MET: variants seen among roughly 807,000 people sequenced by gnomAD.
The protein encoded by MET is MET proto-oncogene, receptor tyrosine kinase, also known as hepatocyte growth factor receptor.
A neutral mutation model predicts 133.1 loss-of-function variants in MET; 48 were observed. That is an observed-to-expected ratio of 0.36 (90% CI 0.29 to 0.46). The LOEUF is 0.46. MET is among the 20% of genes least tolerant of loss of function. The pLI is 1.00. For synonymous variants in MET, 628 were observed against 616.5 expected (o/e 1.02, Z -0.28); for missense variants, 1,442 against 1,695.9 (o/e 0.85, Z 2.63).
chr7:116,777,502 C>G (rs775351710), intron 16 of MET, 33 bp downstream of exon 16: 1 of 1,599,070 alleles, frequency 6.3e-7, no homozygotes, highest in South Asian at 1.1e-5. Context: ...ATGGAGTATA[C>G]TTTTGTGGTT....
At chr7:116,737,555 T>G (rs1459878786) in intron 3 of MET, among the ~76,000 whole-genome samples, 1 of 152,238 alleles carries the variant, frequency 6.6e-6, no homozygotes, top group Non-Finnish European at 1.5e-5. Flanking sequence ...CTGACTCATG[T>G]ACTTTCTAGC....
chr7:116,768,187 A>G (rs1181862737), intron 11 of MET, among the ~76,000 whole-genome samples: 1 of 152,064 alleles, frequency 6.6e-6, no homozygotes, highest in Admixed American at 6.6e-5. Flanking sequence ...TAAGCCTGAA[A>G]CCATAAGTAT....
intron 2 of MET, among the ~76,000 whole-genome samples, chr7:116,726,032 GTCTCTCAAAAAAGAAA>G (rs1215410089): frequency 1.4e-5 from 2 of 146,324 alleles, no homozygotes; most frequent in African/African-American, 5.0e-5. Flanking sequence ...GGGATACCCT[GTCTCTCAAAAAAGAAA>G]CTAAAACAAT....
chr7:116,792,085 A>ATT (rs11431559), intron 19 of MET, among the ~76,000 whole-genome samples: 5 of 151,752 alleles, frequency 3.3e-5, no homozygotes, highest in Admixed American at 1.3e-4. Context: ...TTATCAATTT[A>ATT]TTTTTTTTCT....
intron 19 of MET, among the ~76,000 whole-genome samples, chr7:116,790,307 C>A (rs1795444217): frequency 6.6e-6 from 1 of 152,146 alleles, no homozygotes; most frequent in African/African-American, 2.4e-5. Flanking sequence ...CACAATTCTA[C>A]TTTGTCTAAG....
chr7:116,737,464 TG>T (rs1395357537), intron 3 of MET, among the ~76,000 whole-genome samples: 17 of 152,242 alleles, frequency 1.1e-4, no homozygotes, highest in Non-Finnish European at 2.1e-4. Context: ...GTATTTACTC[TG>T]GTGCTCCAAG....
chr7:116,782,194 A>T (rs1270434765), intron 18 of MET, 97 bp downstream of exon 18: 2 of 847,804 alleles, frequency 2.4e-6, no homozygotes, highest in East Asian at 5.2e-5. Flanking sequence ...TTCTCTTCTT[A>T]TGCAAAAGTC....
chr7:116,721,171 A>G (rs1469053155), intron 2 of MET, among the ~76,000 whole-genome samples: 1 of 152,098 alleles, frequency 6.6e-6, no homozygotes, highest in Non-Finnish European at 1.5e-5. Flanking sequence ...AGCTCCTGTT[A>G]TTGGTCTATT....
chr7:116,675,011 T>A (rs1796107223), intron 1 of MET, among the ~76,000 whole-genome samples: 1 of 152,256 alleles, frequency 6.6e-6, no homozygotes, highest in Non-Finnish European at 1.5e-5. Context: ...TTTTCCTGGC[T>A]GGTGTATGCT....
chr7:116,763,279 C>T lies in MET; in HGVS notation c.2583+11C>T, dbSNP rs780485505. On this transcript the variant is annotated intron_variant, in intron 11 of 20. Transcript: ENST00000397752. ...GTACTGGAAATTAAGGTAAGAAATGCTTTAAACACTGTCTTAAATCATCAG... is the reference window on the plus strand; with the variant it reads ...GTACTGGAAATTAAGGTAAGAAATGTTTTAAACACTGTCTTAAATCATCAG... 6 of 1,605,062 alleles carry T rather than the reference C, an allele frequency of 3.7e-6. No homozygotes were observed. Among genetic ancestry groups the T allele is most frequent in the African/African-American group, 1.3e-5 (1 of 74,742 alleles).
At chr7:116,708,074 G>A (rs1398819393) in intron 2 of MET, among the ~76,000 whole-genome samples, 1 of 152,114 alleles carries the variant, frequency 6.6e-6, no homozygotes, top group African/African-American at 2.4e-5. Context: ...TGGAGAATGA[G>A]CTAGACTGTA....
At chr7:116,716,908 A>T (rs1792263915) in intron 2 of MET, among the ~76,000 whole-genome samples, 1 of 152,186 alleles carries the variant, frequency 6.6e-6, no homozygotes, top group African/African-American at 2.4e-5. Context: ...ACCGCAGAGC[A>T]TGCCCTCTCT....
rs534974144 is a variant in MET at position 116,778,886 on chromosome 7, G to A, written c.3451G>A (p.Gly1151Arg). ...SLLGICLRSE[G>R]SPLVVLPYMK... ...CCTGGGAATCTGCCTGCGAAGTGAA[G>A]GGTCTCCGCTGGTGGTCCTACCATA... Residue 1151 changes from glycine to arginine, a missense_variant, in exon 17 of 21, where the codon GGG becomes AGG. Transcript: ENST00000397752. 4.3e-6 allele frequency: 7 copies of A among 1,614,040 alleles called. No homozygotes were observed. The South Asian group carries it at 7.7e-5, about 18-fold the overall frequency.
intron 2 of MET, among the ~76,000 whole-genome samples, chr7:116,702,543 G>A (rs530175280): frequency 3.2e-4 from 49 of 152,212 alleles, no homozygotes; most frequent in Middle Eastern, 6.8e-3. Context: ...TGTTTAGCAG[G>A]ACTCTCAAGC....
rs1482338664 is a variant in MET at position 116,672,522 on chromosome 7, G to C, written c.-70G>C. The C allele has an allele frequency of 2.5e-6, 1 of 397,904 alleles. No homozygotes were observed. The highest frequency in any genetic ancestry group is 1.3e-4 in the South Asian group (1 of 7,872). 24.6% of individuals were successfully genotyped at this position (397,904 alleles called of 1,614,324 possible). A position where few individuals can be genotyped will look rare whatever the true frequency, so the allele number is the denominator to read the frequency against. The stretch of plus-strand genomic sequence containing the variant: ...CTGAGAGGAGGCGGGGAGGCGCGGA[G>C]CGCGCGTGTGGTCCTTGCGCCGCTG... On this transcript the variant is annotated 5_prime_UTR_variant, in exon 1 of 21. Transcript: ENST00000397752.
rs568873990 is a variant in MET at position 116,778,679 on chromosome 7, G to A, written c.3341-97G>A. 4 of 1,252,946 alleles carry A rather than the reference G, an allele frequency of 3.2e-6. No homozygotes were observed. In the Admixed American group the frequency reaches 7.2e-5, roughly 23 times the overall value. The allele number at this position is 1,252,946 out of a possible 1,614,324, so 77.6% of individuals were successfully genotyped here. A position where few individuals can be genotyped will look rare whatever the true frequency, so the allele number is the denominator to read the frequency against. On this transcript the variant is annotated intron_variant, in intron 16 of 20. Coordinates refer to ENST00000397752, the MANE Select transcript of MET (RefSeq NM_000245.4). Reference sequence around the variant, plus strand: ...AAACCCTCAGGACAAGATGCTAACTGTGTGGTTTACCATTTCATTGCTCTT... The same window carrying A: ...AAACCCTCAGGACAAGATGCTAACTATGTGGTTTACCATTTCATTGCTCTT...
At chr7:116,707,757 G>T (rs901963783) in intron 2 of MET, among the ~76,000 whole-genome samples, 6 of 152,156 alleles carry the variant, frequency 3.9e-5, no homozygotes, top group Non-Finnish European at 8.8e-5. Flanking sequence ...GCACTAAGGA[G>T]ATTACAAGCA....
intron 1 of MET, among the ~76,000 whole-genome samples, chr7:116,684,466 T>C (rs956110498): frequency 3.9e-5 from 6 of 152,204 alleles, no homozygotes; most frequent in Non-Finnish European, 7.3e-5. Context: ...AAAGGCTAGA[T>C]AAGGGGAAGA....
chr7:116,764,055 A>G (rs1009613235), intron 11 of MET, among the ~76,000 whole-genome samples: 4 of 152,210 alleles, frequency 2.6e-5, no homozygotes, highest in African/African-American at 9.6e-5. Flanking sequence ...GATGATCTGA[A>G]TGCAAATATG....
Sources: gnomAD v4.1 joint callset for allele counts (sites outside exome capture counted in the v4.1 genomes callset) on GRCh38, gnomAD v4.1.1 for gene constraint, MANE v1.5 for transcripts, NCBI Gene and HGNC (gene_info 2026-07-23, HGNC 2026-07-21) for gene names.